XKR4: variants seen among roughly 807,000 people sequenced by gnomAD.
XKR4 encodes XK-related protein 4.
A neutral mutation model predicts 53.9 loss-of-function variants in XKR4; 12 were observed. The ratio of observed to expected loss-of-function variants is 0.22; its 90% CI spans 0.14 to 0.36. The LOEUF (loss-of-function observed/expected upper bound fraction) is 0.36. Among genes scored for constraint, XKR4 ranks in the 10% least tolerant of loss-of-function variants. The pLI is 1.00. For missense variants in XKR4, 799 were observed against 859.5 expected (o/e 0.93, Z 0.88); for synonymous variants, 354 against 362.4 (o/e 0.98, Z 0.26).
At chr8:55,498,344 G>T (rs1806387700) in intron 2 of XKR4, among the ~76,000 whole-genome samples, 1 of 152,192 alleles carries the variant, frequency 6.6e-6, no homozygotes, top group South Asian at 2.1e-4. Flanking sequence ...GTCAGGTCAT[G>T]TGCAGAGGGT....
At chr8:55,116,564 G>C (rs896935907) in intron 1 of XKR4, among the ~76,000 whole-genome samples, 3 of 152,178 alleles carry the variant, frequency 2.0e-5, no homozygotes, top group Non-Finnish European at 4.4e-5. Context: ...AGAATAAAGG[G>C]ATAATGAGAA....
At chr8:55,214,160 G>A (rs1293075916) in intron 1 of XKR4, among the ~76,000 whole-genome samples, 2 of 152,050 alleles carry the variant, frequency 1.3e-5, no homozygotes, top group Non-Finnish European at 2.9e-5. Flanking sequence ...ACCGCACCCA[G>A]CTGTTTAGTA....
At chr8:55,410,542 G>C (rs527436831) in intron 2 of XKR4, among the ~76,000 whole-genome samples, 1 of 152,274 alleles carries the variant, frequency 6.6e-6, no homozygotes, top group African/African-American at 2.4e-5. Context: ...AGACACCCAG[G>C]CTAGTAACCA....
At chr8:55,378,048 G>A (rs1235850040) in intron 2 of XKR4, among the ~76,000 whole-genome samples, 2 of 152,152 alleles carry the variant, frequency 1.3e-5, no homozygotes, top group African/African-American at 4.8e-5. Context: ...AAAGTAACAG[G>A]GCTTGAGTAC....
intron 2 of XKR4, among the ~76,000 whole-genome samples, chr8:55,480,211 G>T (rs1189639671): frequency 1.3e-5 from 2 of 152,200 alleles, no homozygotes. Context: ...CCACAATCAA[G>T]TGGGCTTCAT....
chr8:55,448,322 A>T (rs1170669899), intron 2 of XKR4, among the ~76,000 whole-genome samples: 2 of 152,244 alleles, frequency 1.3e-5, no homozygotes, highest in African/African-American at 4.8e-5. Flanking sequence ...CGGTGTGCAC[A>T]AGTACCAATC....
At chr8:55,290,680 T>A (rs1369069550) in intron 1 of XKR4, among the ~76,000 whole-genome samples, 1 of 152,172 alleles carries the variant, frequency 6.6e-6, no homozygotes, top group Non-Finnish European at 1.5e-5. Context: ...CTGTATATCC[T>A]CCTTGGTGAA....
At chr8:55,398,562 G>A (rs977627493) in intron 2 of XKR4, among the ~76,000 whole-genome samples, 4 of 152,148 alleles carry the variant, frequency 2.6e-5, no homozygotes, top group Admixed American at 6.5e-5. Context: ...GGAGGAGGGC[G>A]TGTTCATCTT....
intron 1 of XKR4, among the ~76,000 whole-genome samples, chr8:55,262,331 T>C (rs1818537897): frequency 6.6e-6 from 1 of 152,192 alleles, no homozygotes; most frequent in Non-Finnish European, 1.5e-5. Flanking sequence ...CTCAGAAAGA[T>C]CTGAACATTT....
chr8:55,206,800 A>C (rs77602165), intron 1 of XKR4, among the ~76,000 whole-genome samples: 6,869 of 152,294 alleles, frequency 0.045, 247 homozygotes, highest in Middle Eastern at 0.082. Context: ...GTAAAGATTT[A>C]GATTTGAACT....
chr8:55,279,118 C>CT (rs1818803059), intron 1 of XKR4, among the ~76,000 whole-genome samples: 1 of 152,198 alleles, frequency 6.6e-6, no homozygotes, highest in Non-Finnish European at 1.5e-5. Flanking sequence ...ACTCTGATGA[C>CT]AAAGTATCAC....
At chr8:55,197,476 C>G (rs1471176984) in intron 1 of XKR4, among the ~76,000 whole-genome samples, 1 of 152,048 alleles carries the variant, frequency 6.6e-6, no homozygotes, top group Non-Finnish European at 1.5e-5. Flanking sequence ...AAAATAAGCT[C>G]CATATGAGCT....
chr8:55,155,627 G>C (rs1170544684), intron 1 of XKR4, among the ~76,000 whole-genome samples: 2 of 129,664 alleles, frequency 1.5e-5, no homozygotes, highest in East Asian at 4.5e-4. Context: ...AAAGATAAAG[G>C]CATTAAGAGA....
At chr8:55,231,987 C>T (rs1230223840) in intron 1 of XKR4, among the ~76,000 whole-genome samples, 2 of 152,198 alleles carry the variant, frequency 1.3e-5, no homozygotes, top group East Asian at 1.9e-4. Flanking sequence ...TGACTGAGAG[C>T]TTCATAAACA....
intron 1 of XKR4, among the ~76,000 whole-genome samples, chr8:55,303,966 T>A (rs922769543): frequency 2.0e-5 from 3 of 152,162 alleles, no homozygotes; most frequent in African/African-American, 7.2e-5. Flanking sequence ...ATTCATTGAT[T>A]TTTTGAAGGG....
chr8:55,245,203 G>A lies in XKR4; in HGVS notation c.807-112475G>A, dbSNP rs181249225. ...ATTACAGGCATGAGCCACCATGCCC[G>A]GCCCTTTGCCTACTTTTTAATGGGC... is the stretch of plus-strand genomic sequence containing the variant. On this transcript the variant is annotated intron_variant, in intron 1 of 2. Coordinates refer to ENST00000327381, the MANE Select transcript of XKR4 (RefSeq NM_052898.2). Among the ~76,000 whole-genome samples, 379 of 152,042 alleles carry A rather than the reference G, an allele frequency of 2.5e-3. 6 individuals are homozygous for A. Among genetic ancestry groups the A allele is most frequent in the Non-Finnish European group, 2.0e-3 (139 of 67,978 alleles).
At chr8:55,166,411 A>G (rs921502119) in intron 1 of XKR4, among the ~76,000 whole-genome samples, 3 of 152,210 alleles carry the variant, frequency 2.0e-5, no homozygotes, top group African/African-American at 7.2e-5. Flanking sequence ...TTATCTGTTC[A>G]TTTAAAAAAT....
chr8:55,105,068 T>G (rs938884592), intron 1 of XKR4, among the ~76,000 whole-genome samples: 4 of 152,218 alleles, frequency 2.6e-5, no homozygotes, highest in Admixed American at 6.5e-5. Context: ...CAAATACTTC[T>G]CTATCCTGTT....
At chr8:55,114,286 G>A (rs1002535043) in intron 1 of XKR4, among the ~76,000 whole-genome samples, 1 of 152,052 alleles carries the variant, frequency 6.6e-6, no homozygotes, top group Non-Finnish European at 1.5e-5. Flanking sequence ...GTGTAAGATG[G>A]TACTCTTGTG....
Sources: allele counts gnomAD v4.1 joint callset (sites outside exome capture counted in the v4.1 genomes callset), GRCh38; gene constraint gnomAD v4.1.1; transcripts MANE v1.5; gene names NCBI Gene and HGNC (gene_info 2026-07-23, HGNC 2026-07-21).